COX15: variants seen among roughly 807,000 people sequenced by gnomAD.
The protein encoded by COX15 is heme A synthase COX15.
In COX15, 51 loss-of-function variants were observed where a neutral mutation model predicts 51.9. That is an observed-to-expected ratio of 0.98 (90% confidence interval 0.78 to 1.24). COX15 has a LOEUF of 1.24. Ranked by LOEUF, COX15 falls within the 50% of genes most tolerant of loss-of-function variation. The pLI is 0.00. For missense variants in COX15, 420 were observed against 501.1 expected (o/e 0.84, Z 1.55); for synonymous variants, 188 against 190.5 (o/e 0.99, Z 0.11).
Position 99,712,976 on chromosome 10 carries a change from C to CTATT in COX15, c.*1607_*1610dup, listed in dbSNP as rs1225666084. 2 of 1,008,230 alleles carry CTATT rather than the reference C, an allele frequency of 2.0e-6. No homozygotes were observed. Among genetic ancestry groups the CTATT allele is most frequent in the Admixed American group, 5.1e-5 (1 of 19,470 alleles). 62.5% of individuals were successfully genotyped at this position (1,008,230 alleles called of 1,614,324 possible). Reference sequence around the variant, plus strand: ...AGTTAAATATCCCTAGTTCCTTCACCTATTCCCTGTGTGACAGGGGTTCTG... The same window carrying CTATT: ...AGTTAAATATCCCTAGTTCCTTCACCTATTTATTCCCTGTGTGACAGGGGTTCTG... On this transcript the variant is annotated 3_prime_UTR_variant, in exon 9 of 9. Coordinates refer to ENST00000016171, the MANE Select transcript of COX15 (RefSeq NM_078470.6).
intron 3 of COX15, 107 bp downstream of exon 3, chr10:99,727,334 A>G: frequency 6.5e-7 from 1 of 1,543,364 alleles, no homozygotes; most frequent in Non-Finnish European, 8.9e-7. Context: ...CTGACTAAAC[A>G]TAACTGAACC....
chr10:99,710,623 A>T (rs1448635490), downstream of COX15: 6 of 985,300 alleles, frequency 6.1e-6, no homozygotes, highest in East Asian at 6.8e-4. Flanking sequence ...TGCATGTTAG[A>T]GAGGTGATGC....
the COX15 span, among the ~76,000 whole-genome samples, chr10:99,703,153 G>A: frequency 6.6e-6 from 1 of 152,218 alleles, no homozygotes; most frequent in East Asian, 1.9e-4. Flanking sequence ...AATAAAGGAC[G>A]TGAGATGTTT....
chr10:99,729,026 A>T (rs1415910251), intron 2 of COX15, among the ~76,000 whole-genome samples: 2 of 152,242 alleles, frequency 1.3e-5, no homozygotes, highest in African/African-American at 2.4e-5. Flanking sequence ...CAGTTAAGAC[A>T]TAAACCAGTC....
In COX15 at chr10:99,713,744, CG is replaced by C. The variant is rs2133563997; in HGVS notation, c.*842del. On this transcript the variant is annotated 3_prime_UTR_variant, in exon 9 of 9. Transcript: ENST00000016171. ...CAGCACTTTGGGAAGCCGAGATGGGCGGATTACCTGAGGTCAGGAGTTCAAG... is the reference window on the plus strand; with the variant it reads ...CAGCACTTTGGGAAGCCGAGATGGGCGATTACCTGAGGTCAGGAGTTCAAG... The C allele has an allele frequency of 2.0e-6, 1 of 501,016 alleles. No homozygotes were observed. The highest frequency in any genetic ancestry group is 2.1e-5 in the South Asian group (1 of 46,710). 31.0% of individuals were successfully genotyped at this position (501,016 alleles called of 1,614,324 possible).
rs765735387 is a variant in COX15, at chr10:99,723,976, G to C, written c.730C>G (p.Leu244Val). The change falls in exon 5 of 9, where the codon CTG (leucine) becomes GTG (valine). Residue 244 changes from leucine (L) to valine (V), a missense_variant. Coordinates refer to ENST00000016171, the MANE Select transcript of COX15 (RefSeq NM_078470.6). ...YCASLWTSLS[L>V]LLPPHKLPET... ...CTTACCTTGTGCGGAGGGAGTAGCA[G>C]TGACAGTGAGGTCCACAAGCTGGCA... 6.2e-7 allele frequency: 1 copy of C among 1,614,018 alleles called. No individual in the cohort carries two copies. The highest frequency in any genetic ancestry group is 2.2e-5 in the East Asian group (1 of 44,880).
chr10:99,699,657 C>T, the COX15 span, among the ~76,000 whole-genome samples: 53 of 152,240 alleles, frequency 3.5e-4, no homozygotes, highest in Admixed American at 1.8e-3. Flanking sequence ...CTCTGCCTTC[C>T]GGGTTCAAGT....
intron 2 of COX15, 34 bp from the exon 3 acceptor site, chr10:99,727,597 G>A (rs78915941): frequency 1.6e-4 from 250 of 1,610,362 alleles, no homozygotes; most frequent in Admixed American, 5.5e-4. Flanking sequence ...GGGTGTATGC[G>A]TGAGGCTGGA....
In COX15 at chr10:99,712,249, AACT is replaced by A. The variant is rs1161706869; in HGVS notation, c.*2335_*2337del. The stretch of plus-strand genomic sequence containing the variant: ...AGAATGGTACACTACAGGTCACAGA[AACT>A]TACAGAGTACTGGAGTTGAAAGAGA... On this transcript the variant is annotated 3_prime_UTR_variant, in exon 9 of 9. Transcript: ENST00000016171. 2.0e-6 allele frequency: 2 copies of A among 985,386 alleles called. No homozygotes were observed. Among genetic ancestry groups the A allele is most frequent in the Non-Finnish European group, 2.4e-6 (2 of 829,994 alleles). 61.0% of individuals were successfully genotyped at this position (985,386 alleles called of 1,614,324 possible).
the COX15 span, chr10:99,704,501 C>T: frequency 1.2e-5 from 20 of 1,614,094 alleles, no homozygotes; most frequent in Non-Finnish European, 1.5e-5. Flanking sequence ...CTGGTTCCGT[C>T]TCTCCTTTGT....
chr10:99,712,871 C>T lies in COX15; in HGVS notation c.*1716G>A, dbSNP rs186244558. Reference sequence around the variant, plus strand: ...TGCCAGCTCTGCAGCATAATGGAAGCTCATTCCCTCTTCTGCATGAGACGG... The same window carrying T: ...TGCCAGCTCTGCAGCATAATGGAAGTTCATTCCCTCTTCTGCATGAGACGG... On this transcript the variant is annotated 3_prime_UTR_variant, in exon 9 of 9. Transcript: ENST00000016171. The T allele has an allele frequency of 8.6e-4, 361 of 418,612 alleles. No individual in the cohort carries two copies. The highest frequency in any genetic ancestry group is 1.1e-3 in the Non-Finnish European group (326 of 310,110). The allele number at this position is 418,612 out of a possible 1,614,324, so 25.9% of individuals were successfully genotyped here. A position where few individuals can be genotyped will look rare whatever the true frequency, so the allele number is the denominator to read the frequency against.
intron 1 of COX15, among the ~76,000 whole-genome samples, chr10:99,730,921 T>C (rs550585515): frequency 6.6e-6 from 1 of 152,190 alleles, no homozygotes; most frequent in Non-Finnish European, 1.5e-5. Flanking sequence ...TTAGGCACAG[T>C]GGCACACACT....
Position 99,718,393 on chromosome 10 carries a change from T to G in COX15, c.940A>C (p.Asn314His), listed in dbSNP as rs2036641411. 1 of 1,613,882 alleles carries G rather than the reference T, an allele frequency of 6.2e-7. No individual in the cohort carries two copies. Among genetic ancestry groups the G allele is most frequent in the African/African-American group, 1.3e-5 (1 of 74,924 alleles). The change falls in exon 7 of 9, where the codon AAT (asparagine) becomes CAT (histidine). Residue 314 changes from asparagine to histidine, a missense_variant. Asn to His is a moderately conservative substitution (Grantham distance 68). Coordinates refer to ENST00000016171, the MANE Select transcript of COX15 (RefSeq NM_078470.6). ...DLFTFSPILR[N>H]VFENPTMVQF... ...ACCATGGTGGGATTCTCAAAAACAT[T>G]CCTCAGGATGGGGGAGAAGGTAAAG...
chr10:99,698,734 A>T, the COX15 span: 3 of 1,614,226 alleles, frequency 1.9e-6, no homozygotes, highest in Non-Finnish European at 2.5e-6. Flanking sequence ...AATGGCATAT[A>T]TCAATCGCCT....
At chr10:99,704,753 T>C in the COX15 span, 5 of 1,380,484 alleles carry the variant, frequency 3.6e-6, no homozygotes, top group South Asian at 3.7e-5. Context: ...CACTTTCTTA[T>C]ATAGCCTCAG....
At chr10:99,710,045 C>T, downstream of COX15, 1 of 985,402 alleles carries the variant, frequency 1.0e-6, no homozygotes, top group Non-Finnish European at 1.2e-6. Context: ...TGTATAGCCA[C>T]ACATGCATGA....
At chr10:99,708,244 C>CT (rs1324533960), downstream of COX15, among the ~76,000 whole-genome samples, 1 of 152,118 alleles carries the variant, frequency 6.6e-6, no homozygotes, top group East Asian at 1.9e-4. Context: ...CATGCACTTG[C>CT]TAAGCTAGTG....
At chr10:99,723,926 T>C (rs750043262) in intron 5 of COX15, 30 bp downstream of exon 5, 14 of 1,612,302 alleles carry the variant, frequency 8.7e-6, no homozygotes, top group African/African-American at 1.3e-5. Flanking sequence ...AGCGGGGTCT[T>C]GAACACAGAT....
chr10:99,701,052 G>A, the COX15 span: 6 of 1,613,556 alleles, frequency 3.7e-6, no homozygotes, highest in African/African-American at 4.0e-5. Context: ...GATGAGCATC[G>A]ACTCAAGTAA....
Sources: gnomAD v4.1 joint callset for allele counts (sites outside exome capture counted in the v4.1 genomes callset) on GRCh38, gnomAD v4.1.1 for gene constraint, MANE v1.5 for transcripts, NCBI Gene and HGNC (gene_info 2026-07-23, HGNC 2026-07-21) for gene names.